AGBL1: variants seen among roughly 807,000 people sequenced by gnomAD.
The protein encoded by AGBL1 is AGBL carboxypeptidase 1, also known as cytosolic carboxypeptidase 4.
A neutral mutation model predicts 118.9 loss-of-function variants in AGBL1; 130 were observed. That is an observed-to-expected ratio of 1.09 (90% CI 0.95 to 1.26). The LOEUF (loss-of-function observed/expected upper bound fraction) is 1.26, where lower values mean the gene tolerates loss of function less well. Among genes scored for constraint, AGBL1 ranks in the 50% most tolerant of loss-of-function variants. The probability of loss-of-function intolerance (pLI) is 0.00; values close to 1 mark genes in which losing one functional copy is unlikely to be tolerated. For missense variants in AGBL1, 1,584 were observed against 1,298.1 expected (o/e 1.22, Z -3.38); for synonymous variants, 555 against 478.9 (o/e 1.16, Z -2.08).
chr15:86,990,236 C>T (rs556906735), intron 24 of AGBL1, among the ~76,000 whole-genome samples: 79 of 152,186 alleles, frequency 5.2e-4, no homozygotes, highest in South Asian at 8.3e-4. Context: ...GGTTTGGGGC[C>T]GGACGCCATA....
chr15:86,848,490 C>T (rs774807244), intron 22 of AGBL1, among the ~76,000 whole-genome samples: 1 of 152,164 alleles, frequency 6.6e-6, no homozygotes. Context: ...TATGGTATCA[C>T]ATCCCTTCAT....
At chr15:86,494,955 T>TA (rs34511497) in intron 18 of AGBL1, among the ~76,000 whole-genome samples, 4 of 151,678 alleles carry the variant, frequency 2.6e-5, no homozygotes, top group South Asian at 2.1e-4. Context: ...GTTTTTTTTT[T>TA]AAATAAATAA....
chr15:86,185,572 A>C (rs1320490528), intron 5 of AGBL1, among the ~76,000 whole-genome samples: 2 of 152,190 alleles, frequency 1.3e-5, no homozygotes, highest in East Asian at 3.9e-4. Context: ...AATACTATGC[A>C]GCCATAAAAA....
intron 18 of AGBL1, among the ~76,000 whole-genome samples, chr15:86,457,640 C>T (rs1190877542): frequency 1.3e-5 from 2 of 152,072 alleles, no homozygotes; most frequent in Admixed American, 6.6e-5. Flanking sequence ...ATCTTAAAAT[C>T]AAACCAGATT....
At position 86,143,773 on chromosome 15, in the gene AGBL1, G is replaced by A; in HGVS notation, c.190G>A (p.Ala64Thr). The change falls in exon 3 of 23, where the codon GCG becomes ACG. Residue 64 changes from alanine (A) to threonine (T), a missense_variant. By Grantham distance (58) the Ala-to-Thr change is moderately conservative (BLOSUM62 0). Transcript: ENST00000614907. ...TCTTCTGCAGACCCTGGTAGACACA[G>A]CGAGGACAGCTCCTCCAGACTATGA... ...EALLQTLVDTARTAPPDYDIL... is the reference protein window; with the variant it reads ...EALLQTLVDTTRTAPPDYDIL... 6.2e-7 allele frequency: 1 copy of A among 1,613,946 alleles called. No individual in the cohort carries two copies. Among genetic ancestry groups the A allele is most frequent in the Admixed American group, 1.7e-5 (1 of 60,032 alleles).
In AGBL1 at chr15:86,574,274, G is replaced by A. The variant is rs989704432; in HGVS notation, c.2994+19737G>A. ...AAGTGTGTACCCAGAAGGTTAAACTGACATGTTCAGGTTGCACCATCTGGT... is the reference window on the plus strand; with the variant it reads ...AAGTGTGTACCCAGAAGGTTAAACTAACATGTTCAGGTTGCACCATCTGGT... On this transcript the variant is annotated intron_variant, in intron 21 of 22. Coordinates refer to ENST00000614907, the MANE Select transcript of AGBL1 (RefSeq NM_001386094.1). Among the ~76,000 whole-genome samples the A allele has an allele frequency of 1.2e-4, 19 of 152,336 alleles. No individual in the cohort carries two copies. In the South Asian group the frequency reaches 2.1e-3, roughly 17 times the overall value.
intron 24 of AGBL1, among the ~76,000 whole-genome samples, chr15:87,017,233 G>C (rs899535886): frequency 9.9e-5 from 15 of 152,116 alleles, no homozygotes; most frequent in African/African-American, 3.6e-4. Context: ...GGACAGTCCA[G>C]ATGAGGAAGG....
At chr15:86,536,829 G>C (rs1327512325) in intron 19 of AGBL1, among the ~76,000 whole-genome samples, 1 of 152,198 alleles carries the variant, frequency 6.6e-6, no homozygotes, top group Non-Finnish European at 1.5e-5. Flanking sequence ...AATACATAGA[G>C]ATGGGGCCAC....
chr15:86,246,755 A>T (rs1347803031), intron 6 of AGBL1, among the ~76,000 whole-genome samples: 4 of 152,248 alleles, frequency 2.6e-5, no homozygotes, highest in Admixed American at 2.6e-4. Context: ...ATGAGTCTTG[A>T]TTATATATAA....
intron 22 of AGBL1, among the ~76,000 whole-genome samples, chr15:86,686,129 C>T (rs901701169): frequency 2.0e-5 from 3 of 152,212 alleles, no homozygotes; most frequent in Non-Finnish European, 4.4e-5. Flanking sequence ...CTCCTCCCCA[C>T]TCTCAGCAAA....
In AGBL1 at chr15:86,367,902, A is replaced by G. The variant is rs142042883; in HGVS notation, c.2375-29464A>G. Among the ~76,000 whole-genome samples, 1,331 of 152,312 alleles carry G rather than the reference A, an allele frequency of 8.7e-3. 8 individuals are homozygous for G. The highest frequency in any genetic ancestry group is 0.013 in the Non-Finnish European group (909 of 68,022). ...TAAGTCAGTGGCTTGCTGGGCTCTA[A>G]GACTAGAAGGAGACGTGGTAGCTAG... is the stretch of plus-strand genomic sequence containing the variant. On this transcript the variant is annotated intron_variant, in intron 17 of 22. Transcript: ENST00000614907.
chr15:86,215,664 C>G (rs981076), intron 5 of AGBL1, among the ~76,000 whole-genome samples: 28,554 of 152,158 alleles, frequency 0.19, 3,015 homozygotes, highest in South Asian at 0.29. Context: ...CTTTCTTAGT[C>G]TCTTCATCTG....
intron 17 of AGBL1, among the ~76,000 whole-genome samples, chr15:86,386,602 A>G (rs1400638097): frequency 6.6e-6 from 1 of 151,864 alleles, no homozygotes; most frequent in Non-Finnish European, 1.5e-5. Flanking sequence ...AGTTTCCTCA[A>G]TCCAGAGAAG....
chr15:86,686,442 G>GTTTTTT (rs368842116), intron 22 of AGBL1, among the ~76,000 whole-genome samples: 1 of 127,100 alleles, frequency 7.9e-6, no homozygotes, highest in Admixed American at 8.6e-5. Context: ...CATATTCTAA[G>GTTTTTT]TTTTTTTTTT....
At chr15:86,646,858 A>G (rs1468825164) in intron 21 of AGBL1, among the ~76,000 whole-genome samples, 2 of 152,200 alleles carry the variant, frequency 1.3e-5, no homozygotes, top group African/African-American at 4.8e-5. Context: ...TTCTTAAATT[A>G]TATATGAAAA....
At chr15:86,647,282 T>C (rs2085297086) in intron 21 of AGBL1, among the ~76,000 whole-genome samples, 1 of 152,158 alleles carries the variant, frequency 6.6e-6, no homozygotes, top group African/African-American at 2.4e-5. Context: ...ATCACCTGTG[T>C]CCTATATTTG....
intron 22 of AGBL1, among the ~76,000 whole-genome samples, chr15:86,901,933 A>G (rs186046002): frequency 1.3e-5 from 2 of 152,138 alleles, no homozygotes; most frequent in Non-Finnish European, 1.5e-5. Context: ...ATTAATATCA[A>G]TATTAATAAT....
intron 1 of AGBL1, among the ~76,000 whole-genome samples, chr15:86,124,486 C>A (rs1042731466): frequency 6.6e-6 from 1 of 152,066 alleles, no homozygotes; most frequent in Non-Finnish European, 1.5e-5. Flanking sequence ...TAAAGAAACT[C>A]TTTGTGCTAC....
intron 19 of AGBL1, among the ~76,000 whole-genome samples, chr15:86,525,411 TG>T (rs1295804588): frequency 6.6e-6 from 1 of 152,094 alleles, no homozygotes; most frequent in African/African-American, 2.4e-5. Context: ...AAAATTTATA[TG>T]GAACCAAAAA....
Sources: gnomAD v4.1 joint callset for allele counts (sites outside exome capture counted in the v4.1 genomes callset) on GRCh38, gnomAD v4.1.1 for gene constraint, MANE v1.5 for transcripts, NCBI Gene and HGNC (gene_info 2026-07-23, HGNC 2026-07-21) for gene names.